The following MSRB3 variants were observed in gnomAD, a reference collection of about 807,000 sequenced individuals.
The protein encoded by MSRB3 is methionine sulfoxide reductase B3, also known as methionine-R-sulfoxide reductase B3.
In MSRB3, 13 loss-of-function variants were observed where a neutral mutation model predicts 21.0. The ratio of observed to expected loss-of-function variants is 0.62; its 90% CI spans 0.40 to 0.98. MSRB3 has a LOEUF of 0.98. Among genes scored for constraint, MSRB3 ranks in the 50% least tolerant of loss-of-function variants. The pLI is 0.00. For synonymous variants in MSRB3, 87 were observed against 88.6 expected (o/e 0.98, Z 0.10); for missense variants, 199 against 230.3 (o/e 0.86, Z 0.88).
At chr12:65,362,932 A>G (rs1877796633) in intron 4 of MSRB3, among the ~76,000 whole-genome samples, 1 of 152,220 alleles carries the variant, frequency 6.6e-6, no homozygotes, top group Non-Finnish European at 1.5e-5. Flanking sequence ...TTGTAGGTCT[A>G]CAAGTAGGAT....
intron 6 of MSRB3, among the ~76,000 whole-genome samples, chr12:65,461,082 AC>A (rs1883309548): frequency 1.3e-5 from 2 of 152,088 alleles, no homozygotes; most frequent in Non-Finnish European, 1.5e-5. Context: ...ACACACACAC[AC>A]ACCCCTAAGG....
intron 4 of MSRB3, among the ~76,000 whole-genome samples, chr12:65,361,689 T>G (rs938262131): frequency 2.0e-5 from 3 of 152,166 alleles, no homozygotes; most frequent in African/African-American, 7.2e-5. Flanking sequence ...GACTTTGGCG[T>G]GATTTAATTT....
At chr12:65,409,394 G>C (rs557956183) in intron 5 of MSRB3, among the ~76,000 whole-genome samples, 1 of 152,004 alleles carries the variant, frequency 6.6e-6, no homozygotes, top group South Asian at 2.1e-4. Flanking sequence ...CCATATTACT[G>C]TATTGAATAC....
At chr12:65,421,856 A>T (rs1881314943) in intron 5 of MSRB3, among the ~76,000 whole-genome samples, 1 of 152,212 alleles carries the variant, frequency 6.6e-6, no homozygotes, top group African/African-American at 2.4e-5. Context: ...CAACACAATG[A>T]CAGGATCAAA....
chr12:65,362,890 T>TCAA (rs1565855663), intron 4 of MSRB3, among the ~76,000 whole-genome samples: 5 of 152,112 alleles, frequency 3.3e-5, no homozygotes, highest in African/African-American at 1.2e-4. Context: ...GGCCTTTGAG[T>TCAA]TACTTCTAGG....
At chr12:65,389,362 C>T (rs574448355) in intron 5 of MSRB3, among the ~76,000 whole-genome samples, 1 of 152,078 alleles carries the variant, frequency 6.6e-6, no homozygotes. Flanking sequence ...CTCCCAAGGT[C>T]CCTCTTGCAG....
intron 5 of MSRB3, among the ~76,000 whole-genome samples, chr12:65,398,010 G>T (rs894305325): frequency 6.6e-6 from 1 of 152,142 alleles, no homozygotes; most frequent in African/African-American, 2.4e-5. Flanking sequence ...GTCTATCATT[G>T]ATGGGCATTT....
intron 5 of MSRB3, among the ~76,000 whole-genome samples, chr12:65,393,761 A>G (rs551168411): frequency 6.6e-6 from 1 of 152,272 alleles, no homozygotes; most frequent in South Asian, 2.1e-4. Context: ...ACACACATAT[A>G]CATATAATAC....
At chr12:65,333,934 A>G (rs986631234) in intron 4 of MSRB3, among the ~76,000 whole-genome samples, 25 of 152,222 alleles carry the variant, frequency 1.6e-4, no homozygotes, top group African/African-American at 5.5e-4. Flanking sequence ...TAGTGAGGTA[A>G]TAGCGTGATG....
chr12:65,422,460 A>G (rs1471478689), intron 5 of MSRB3, among the ~76,000 whole-genome samples: 4 of 138,362 alleles, frequency 2.9e-5, no homozygotes, highest in African/African-American at 1.1e-4. Flanking sequence ...GGTATATGGG[A>G]TATTTTTATG....
Position 65,465,393 on chromosome 12 carries a change from A to C in MSRB3, c.*2071A>C, listed in dbSNP as rs1883520475. 1 of 152,222 alleles carries C rather than the reference A, an allele frequency of 6.6e-6. No individual in the cohort carries two copies. The highest frequency in any genetic ancestry group is 6.5e-5 in the Admixed American group (1 of 15,288). The allele number at this position is 152,222 out of a possible 1,614,324, so 9.4% of individuals were successfully genotyped here. On this transcript the variant is annotated 3_prime_UTR_variant, in exon 7 of 7. Coordinates refer to ENST00000308259, the MANE Select transcript of MSRB3 (RefSeq NM_001031679.3). ...ATACGTATTTTTGTAACTCTTTGAA[A>C]GTTTATGAAGACTGACAGCTTTCCT...
chr12:65,347,843 CAT>C (rs1455159892), intron 4 of MSRB3, among the ~76,000 whole-genome samples: 1 of 152,108 alleles, frequency 6.6e-6, no homozygotes, highest in Non-Finnish European at 1.5e-5. Context: ...TTGAGATAAT[CAT>C]GTGGTTTTTG....
chr12:65,336,306 A>G (rs1875758408), intron 4 of MSRB3, among the ~76,000 whole-genome samples: 1 of 152,208 alleles, frequency 6.6e-6, no homozygotes, highest in African/African-American at 2.4e-5. Flanking sequence ...AAACTAGAAA[A>G]CTATCGCAAG....
chr12:65,373,351 T>G (rs1352966391), intron 5 of MSRB3, among the ~76,000 whole-genome samples: 1 of 152,202 alleles, frequency 6.6e-6, no homozygotes, highest in Non-Finnish European at 1.5e-5. Flanking sequence ...TATTTATAAG[T>G]TAACCTTAAC....
intron 5 of MSRB3, chr12:65,418,780 T>TG (rs1881116726): frequency 1.0e-6 from 1 of 959,882 alleles, no homozygotes; most frequent in South Asian, 1.3e-5. Context: ...ATCCACTGTC[T>TG]GGCGGGTGGT....
intron 2 of MSRB3, chr12:65,316,072 T>G (rs945127535): frequency 6.6e-6 from 1 of 152,198 alleles, no homozygotes; most frequent in African/African-American, 2.4e-5. Flanking sequence ...CATCATATTA[T>G]TGGTATTGAT....
intron 1 of MSRB3, among the ~76,000 whole-genome samples, chr12:65,294,891 G>A (rs1038795863): frequency 2.6e-5 from 4 of 152,006 alleles, no homozygotes; most frequent in South Asian, 4.1e-4. Flanking sequence ...GTGTGATCAC[G>A]GCTCCCTGTG....
chr12:65,413,797 G>A (rs1313909943), intron 5 of MSRB3, among the ~76,000 whole-genome samples: 1 of 152,078 alleles, frequency 6.6e-6, no homozygotes, highest in Non-Finnish European at 1.5e-5. Flanking sequence ...AAACCCAGCA[G>A]AGTAAGGGGG....
At chr12:65,288,731 G>A (rs1447445956) in intron 1 of MSRB3, among the ~76,000 whole-genome samples, 1 of 151,926 alleles carries the variant, frequency 6.6e-6, no homozygotes, top group African/African-American at 2.4e-5. Flanking sequence ...CATTTAGCAG[G>A]ATATATTACC....
Sources: allele counts gnomAD v4.1 joint callset (sites outside exome capture counted in the v4.1 genomes callset), GRCh38; gene constraint gnomAD v4.1.1; transcripts MANE v1.5; gene names NCBI Gene and HGNC (gene_info 2026-07-23, HGNC 2026-07-21).